Variants in CUBN observed in about 807,000 individuals in gnomAD.
The protein encoded by CUBN is cubilin.
A neutral mutation model predicts 405.3 loss-of-function variants in CUBN; 282 were observed. The ratio of observed to expected loss-of-function variants is 0.70; its 90% CI spans 0.63 to 0.77. The LOEUF (loss-of-function observed/expected upper bound fraction) is 0.77. Ranked by LOEUF, CUBN falls within the 30% of genes least tolerant of loss-of-function variation. The pLI is 0.00. For missense variants in CUBN, 4,514 were observed against 4,475.2 expected (o/e 1.01, Z -0.25); for synonymous variants, 1,684 against 1,617.0 (o/e 1.04, Z -0.99).
At chr10:17,061,632 G>A (rs1330328243) in intron 22 of CUBN, among the ~76,000 whole-genome samples, 2 of 152,172 alleles carry the variant, frequency 1.3e-5, no homozygotes, top group Admixed American at 1.3e-4. Context: ...CCACTGATGA[G>A]TAGGTGGGAA....
At chr10:17,080,962 A>G (rs45532934) in intron 17 of CUBN, among the ~76,000 whole-genome samples, 5,405 of 152,222 alleles carry the variant, frequency 0.036, 209 homozygotes, top group South Asian at 0.2. Context: ...CACATCTTCC[A>G]TGGGTAATGT....
intron 40 of CUBN, 91 bp downstream of exon 40, chr10:16,932,996 C>A (rs117974382): frequency 7.4e-7 from 1 of 1,342,318 alleles, no homozygotes; most frequent in East Asian, 2.3e-5. Flanking sequence ...CCAAACCAAA[C>A]GGATGGAGGC....
chr10:16,882,620 C>A (rs933356956), intron 56 of CUBN, among the ~76,000 whole-genome samples: 1 of 152,124 alleles, frequency 6.6e-6, no homozygotes, highest in African/African-American at 2.4e-5. Context: ...GGGGGGAGGG[C>A]GTGGGCCGAG....
At chr10:16,858,490 T>A (rs1485544009) in intron 59 of CUBN, among the ~76,000 whole-genome samples, 1 of 152,080 alleles carries the variant, frequency 6.6e-6, no homozygotes, top group Non-Finnish European at 1.5e-5. Context: ...CTGGCTAATT[T>A]TGTTATTTTT....
chr10:16,991,362 A>T (rs1833581557), intron 28 of CUBN, among the ~76,000 whole-genome samples: 1 of 148,904 alleles, frequency 6.7e-6, no homozygotes, highest in Non-Finnish European at 1.5e-5. Flanking sequence ...TGGATTTTCC[A>T]AGGTTAATTG....
intron 60 of CUBN, among the ~76,000 whole-genome samples, chr10:16,843,579 G>C (rs371524956): frequency 3.3e-5 from 5 of 152,138 alleles, no homozygotes; most frequent in Non-Finnish European, 7.4e-5. Context: ...CAAGTTTTAG[G>C]TCATGCACTT....
chr10:16,972,198 C>T (rs984166553), intron 31 of CUBN, among the ~76,000 whole-genome samples: 2 of 152,116 alleles, frequency 1.3e-5, no homozygotes, highest in Non-Finnish European at 2.9e-5. Flanking sequence ...GGCAGTGTTT[C>T]CCCAGGAGTT....
chr10:17,075,114 C>T (rs1835829278), intron 17 of CUBN, among the ~76,000 whole-genome samples: 2 of 111,768 alleles, frequency 1.8e-5, no homozygotes, highest in Middle Eastern at 0.01. Flanking sequence ...GATGAAGTCT[C>T]ACTCTGTCAC....
chr10:16,913,474 G>T (rs759061349), intron 48 of CUBN, among the ~76,000 whole-genome samples: 1 of 152,142 alleles, frequency 6.6e-6, no homozygotes, highest in Non-Finnish European at 1.5e-5. Flanking sequence ...TTTCGTGGTG[G>T]CTTGTGCTGT....
chr10:17,055,667 A>G (rs1835377198), intron 22 of CUBN, among the ~76,000 whole-genome samples: 1 of 152,134 alleles, frequency 6.6e-6, no homozygotes, highest in Non-Finnish European at 1.5e-5. Context: ...ATAATATGGC[A>G]TGTCATTTTA....
chr10:16,880,796 T>C (rs951246696), intron 56 of CUBN, among the ~76,000 whole-genome samples: 4 of 152,244 alleles, frequency 2.6e-5, no homozygotes, highest in Non-Finnish European at 5.9e-5. Flanking sequence ...GATATACATT[T>C]TTAAATTAAC....
intron 23 of CUBN, 107 bp downstream of exon 23, chr10:17,047,307 G>A (rs1835159037): frequency 5.7e-6 from 5 of 877,866 alleles, no homozygotes; most frequent in African/African-American, 1.7e-5. Context: ...GCACAGCAGG[G>A]AGCTTTGCAG....
chr10:16,944,130 T>C (rs1564438693), intron 36 of CUBN, among the ~76,000 whole-genome samples: 2 of 152,174 alleles, frequency 1.3e-5, no homozygotes, highest in Non-Finnish European at 2.9e-5. Flanking sequence ...TAAAATACAA[T>C]TTCTGTCAAT....
intron 59 of CUBN, among the ~76,000 whole-genome samples, chr10:16,868,588 T>C (rs913785933): frequency 1.3e-5 from 2 of 152,250 alleles, no homozygotes; most frequent in Non-Finnish European, 2.9e-5. Flanking sequence ...CTGATGCTGT[T>C]AGAATAGCCA....
At chr10:16,852,148 A>ACTCTATCTTTCCCTCCCTCC (rs1839726903) in intron 59 of CUBN, among the ~76,000 whole-genome samples, 1 of 11,692 alleles carries the variant, frequency 8.6e-5, no homozygotes, top group African/African-American at 3.9e-4. Flanking sequence ...TCCCTCCCTC[A>ACTCTATCTTTCCCTCCCTCC]CTCTATCTTT....
intron 60 of CUBN, among the ~76,000 whole-genome samples, chr10:16,844,372 T>C (rs1258703256): frequency 2.0e-5 from 3 of 151,838 alleles, no homozygotes; most frequent in Non-Finnish European, 4.4e-5. Context: ...GCATGGCACG[T>C]GTCAACAACT....
intron 6 of CUBN, chr10:17,122,109 G>GA (rs1417346910): frequency 6.5e-6 from 1 of 153,444 alleles, no homozygotes; most frequent in Non-Finnish European, 1.4e-5. Context: ...CCTAGAGCAT[G>GA]ATGGGAACAT....
intron 64 of CUBN, among the ~76,000 whole-genome samples, chr10:16,833,875 CA>C (rs1839087219): frequency 6.6e-6 from 1 of 151,792 alleles, no homozygotes; most frequent in East Asian, 1.9e-4. Flanking sequence ...ATTAAAGAGG[CA>C]GTGAGAAAAA....
At chr10:16,968,547 T>C (rs1588532194) in intron 31 of CUBN, among the ~76,000 whole-genome samples, 1 of 152,164 alleles carries the variant, frequency 6.6e-6, no homozygotes, top group African/African-American at 2.4e-5. Flanking sequence ...GACATTCCAA[T>C]GATCTGAGCA....
Sources: allele counts gnomAD v4.1 joint callset (sites outside exome capture counted in the v4.1 genomes callset), GRCh38; gene constraint gnomAD v4.1.1; transcripts MANE v1.5; gene names NCBI Gene and HGNC (gene_info 2026-07-23, HGNC 2026-07-21).